Variants in ZNF100 observed in about 807,000 individuals in gnomAD.
The protein encoded by ZNF100 is zinc finger protein 100 (Y1).
A neutral mutation model predicts 15.8 loss-of-function variants in ZNF100; 12 were observed. The observed-to-expected ratio is 0.76, with a 90% CI of 0.49 to 1.23. ZNF100 has a LOEUF of 1.23. Ranked by LOEUF, ZNF100 falls within the 50% of genes most tolerant of loss-of-function variation. ZNF100 has a pLI of 0.00. For synonymous variants in ZNF100, 226 were observed against 214.8 expected (o/e 1.05, Z -0.45); for missense variants, 670 against 635.6 (o/e 1.05, Z -0.58).
At chr19:21,749,590 C>A (rs1341255256) in intron 2 of ZNF100, among the ~76,000 whole-genome samples, 1 of 152,234 alleles carries the variant, frequency 6.6e-6, no homozygotes, top group Non-Finnish European at 1.5e-5. Context: ...ATACTCTACT[C>A]CAGTATCATA....
chr19:21,762,414 G>A (rs912047893), intron 2 of ZNF100, among the ~76,000 whole-genome samples: 1 of 152,172 alleles, frequency 6.6e-6, no homozygotes, highest in African/African-American at 2.4e-5. Flanking sequence ...CTTTACTGTT[G>A]TAGAATATAT....
chr19:21,727,922 C>G lies in ZNF100; in HGVS notation c.390G>C (p.Ala130=). The G allele has an allele frequency of 9.4e-6, 15 of 1,592,188 alleles. No individual in the cohort carries two copies. Among genetic ancestry groups the G allele is most frequent in the Non-Finnish European group, 1.2e-5 (14 of 1,171,690 alleles). The change falls in exon 5 of 5, where the codon GCG becomes GCC. Residue 130 remains alanine (A), a synonymous_variant. Transcript: ENST00000358296. ...EQDIKDSFQE[A]ILKKYGKYGH... ...CATATTTTCCATATTTTTTCAGAATCGCTTCTTGAAAAGAATCTTTAATGT... is the reference window on the plus strand; with the variant it reads ...CATATTTTCCATATTTTTTCAGAATGGCTTCTTGAAAAGAATCTTTAATGT...
intron 1 of ZNF100, among the ~76,000 whole-genome samples, chr19:21,767,017 T>C (rs564687593): frequency 1.3e-5 from 2 of 151,828 alleles, no homozygotes; most frequent in African/African-American, 4.8e-5. Flanking sequence ...TCGTTAATAT[T>C]TGTGCAGTGA....
Position 21,723,479 on chromosome 19 carries a change from G to A in ZNF100, c.*3204C>T, listed in dbSNP as rs770585519. On this transcript the variant is annotated 3_prime_UTR_variant, in exon 5 of 5. Coordinates refer to ENST00000358296, the MANE Select transcript of ZNF100 (RefSeq NM_173531.4). ...AACTGAAGCCATAACACAGAAAAAG[G>A]AGATGGGCTGTGCTGCATACATAGC... is the stretch of plus-strand genomic sequence containing the variant. 2.0e-5 allele frequency: 3 copies of A among 152,060 alleles called. No homozygotes were observed. 9.4% of individuals were successfully genotyped at this position (152,060 alleles called of 1,614,324 possible). A position where few individuals can be genotyped will look rare whatever the true frequency, so the allele number is the denominator to read the frequency against.
intron 2 of ZNF100, chr19:21,750,755 G>T: frequency 2.8e-6 from 1 of 357,774 alleles, no homozygotes; most frequent in South Asian, 9.5e-5. Flanking sequence ...AGCCTGGGCT[G>T]CGCCATTGTT....
chr19:21,751,759 G>T (rs1256592774), intron 2 of ZNF100: 2 of 1,269,938 alleles, frequency 1.6e-6, no homozygotes, highest in Middle Eastern at 1.9e-4. Context: ...ATGACCACCT[G>T]AATTTTCTAT....
rs143515544 is a variant in ZNF100 at position 21,734,153 on chromosome 19, T to C, written c.323-6164A>G. 3.2e-3 allele frequency among the ~76,000 whole-genome samples: 482 copies of C among 152,322 alleles called. 2 individuals are homozygous for C. The highest frequency in any genetic ancestry group is 0.011 in the African/African-American group (465 of 41,576). ...AAAACTCAAAAACCCAGAGTGTCTC[T>C]ACTCCTCCAAATAATCAAAACATAT... On this transcript the variant is annotated intron_variant, in intron 4 of 4. Coordinates refer to ENST00000358296, the MANE Select transcript of ZNF100 (RefSeq NM_173531.4).
intron 2 of ZNF100, among the ~76,000 whole-genome samples, chr19:21,764,638 TG>T (rs1362217850): frequency 6.7e-6 from 1 of 149,448 alleles, no homozygotes; most frequent in Non-Finnish European, 1.5e-5. Flanking sequence ...AGACTCCGTG[TG>T]GGGAAAAAAA....
At chr19:21,745,672 G>C (rs1232087390) in intron 2 of ZNF100, among the ~76,000 whole-genome samples, 1 of 151,890 alleles carries the variant, frequency 6.6e-6, no homozygotes, top group Non-Finnish European at 1.5e-5. Flanking sequence ...ACAGGCGCCC[G>C]CCACCGCGCC....
At chr19:21,757,807 A>T (rs1269770780) in intron 2 of ZNF100, among the ~76,000 whole-genome samples, 1 of 152,170 alleles carries the variant, frequency 6.6e-6, no homozygotes, top group African/African-American at 2.4e-5. Flanking sequence ...AGGCCAAGGC[A>T]GGTGGATTGC....
chr19:21,740,699 C>T (rs368023799), intron 4 of ZNF100, among the ~76,000 whole-genome samples: 5 of 151,802 alleles, frequency 3.3e-5, no homozygotes, highest in Non-Finnish European at 2.9e-5. Context: ...TAGAGAAACA[C>T]GTAAAAATAA....
chr19:21,746,352 G>A (rs1007609151), intron 2 of ZNF100, among the ~76,000 whole-genome samples: 13 of 152,100 alleles, frequency 8.5e-5, no homozygotes, highest in South Asian at 2.1e-4. Context: ...TATATAGCAG[G>A]TATCTCTCAA....
chr19:21,767,286 G>A (rs2036580402), intron 1 of ZNF100, 141 bp downstream of exon 1: 4 of 1,437,156 alleles, frequency 2.8e-6, no homozygotes, highest in East Asian at 2.3e-5. Flanking sequence ...TCTTATGGCC[G>A]AAGGGGACGG....
intron 4 of ZNF100, among the ~76,000 whole-genome samples, chr19:21,737,526 A>G (rs2145702942): frequency 6.6e-6 from 1 of 150,870 alleles, no homozygotes; most frequent in South Asian, 2.1e-4. Flanking sequence ...CAAGAGTGAG[A>G]CTTCATTCCA....
intron 2 of ZNF100, among the ~76,000 whole-genome samples, chr19:21,747,495 T>C (rs924058245): frequency 2.8e-4 from 42 of 152,060 alleles, no homozygotes; most frequent in African/African-American, 1.0e-3. Context: ...TGATTCTGCA[T>C]GTTTGGAAAG....
intron 2 of ZNF100, chr19:21,750,795 G>C (rs1361119009): frequency 2.5e-6 from 1 of 404,428 alleles, no homozygotes; most frequent in Non-Finnish European, 4.4e-6. Context: ...AGGGCGGCGA[G>C]TAGGGGGCTA....
rs1192394899 is a variant in ZNF100 at position 21,731,008 on chromosome 19, AAAC to A, written c.323-3022_323-3020del. On this transcript the variant is annotated intron_variant, in intron 4 of 4. Transcript: ENST00000358296. ...TCTCATTGCATTTTTGAGAAACTAG[AAAC>A]AACAACCCCAAAAGTATATAAAATG... 7.9e-5 allele frequency among the ~76,000 whole-genome samples: 12 copies of A among 152,286 alleles called. No individual in the cohort carries two copies. The South Asian group carries it at 1.2e-3, about 16-fold the overall frequency.
At chr19:21,749,089 T>C (rs2036259660) in intron 2 of ZNF100, among the ~76,000 whole-genome samples, 1 of 152,110 alleles carries the variant, frequency 6.6e-6, no homozygotes, top group Admixed American at 6.5e-5. Context: ...GTGTATCCAG[T>C]TGCTAGTCTA....
chr19:21,726,936 C>G lies in ZNF100; in HGVS notation c.1376G>C (p.Cys459Ser). 6.2e-7 allele frequency: 1 copy of G among 1,611,422 alleles called. No individual in the cohort carries two copies. Among genetic ancestry groups the G allele is most frequent in the Non-Finnish European group, 8.5e-7 (1 of 1,179,114 alleles). ...GTTAAAGGCTTTGCCACATTCGTCACATTTGTAGGGTTTCTCTCCAGTATG... is the reference window on the plus strand; with the variant it reads ...GTTAAAGGCTTTGCCACATTCGTCAGATTTGTAGGGTTTCTCTCCAGTATG... ...MIHTGEKPYK[C>S]DECGKAFNRS... The change falls in exon 5 of 5, where the codon TGT becomes TCT. Residue 459 changes from cysteine (C) to serine (S), a missense_variant. By Grantham distance (112) the Cys-to-Ser change is moderately radical. Coordinates refer to ENST00000358296, the MANE Select transcript of ZNF100 (RefSeq NM_173531.4).
Sources: gnomAD v4.1 joint callset for allele counts (sites outside exome capture counted in the v4.1 genomes callset) on GRCh38, gnomAD v4.1.1 for gene constraint, MANE v1.5 for transcripts, NCBI Gene and HGNC (gene_info 2026-07-23, HGNC 2026-07-21) for gene names.